NCAM2: variants seen among roughly 807,000 people sequenced by gnomAD.
The protein encoded by NCAM2 is neural cell adhesion molecule 2, also known as N-CAM-2.
NCAM2 carries 30 observed loss-of-function variants against 98.1 expected under a neutral mutation model. That is an observed-to-expected ratio of 0.31 (90% confidence interval 0.23 to 0.41). NCAM2 has a LOEUF of 0.41. Ranked by LOEUF, NCAM2 falls within the 10% of genes least tolerant of loss-of-function variation. The probability of loss-of-function intolerance (pLI) is 1.00; values close to 1 mark genes in which losing one functional copy is unlikely to be tolerated. For synonymous variants in NCAM2, 368 were observed against 342.4 expected (o/e 1.07, Z -0.83); for missense variants, 867 against 1,005.8 (o/e 0.86, Z 1.87).
chr21:21,450,296 GTGTGTT>G (rs1272507851), intron 12 of NCAM2, among the ~76,000 whole-genome samples: 3 of 151,424 alleles, frequency 2.0e-5, no homozygotes, highest in Non-Finnish European at 4.4e-5. Context: ...ATGCGTGTGT[GTGTGTT>G]TGTGTGTGTG....
chr21:21,444,484 G>T (rs1406939272), intron 12 of NCAM2, among the ~76,000 whole-genome samples: 4 of 151,988 alleles, frequency 2.6e-5, no homozygotes, highest in Middle Eastern at 3.4e-3. Flanking sequence ...TTGGTTGGTA[G>T]GCTATTAATT....
chr21:21,508,799 CTTTTTTTCCTTT>C (rs1988153457), intron 15 of NCAM2, 40 bp from the exon 16 acceptor site: 1 of 1,020,048 alleles, frequency 9.8e-7, no homozygotes, highest in African/African-American at 2.4e-5. Flanking sequence ...AGGTTTAATA[CTTTTTTTCCTTT>C]TTTTTTTTTT....
chr21:21,517,566 A>T (rs1988780519), intron 16 of NCAM2, among the ~76,000 whole-genome samples: 1 of 152,126 alleles, frequency 6.6e-6, no homozygotes, highest in Non-Finnish European at 1.5e-5. Context: ...CTGACTTAAA[A>T]CTTTAACACA....
At chr21:21,017,549 G>A (rs1044144303) in intron 1 of NCAM2, among the ~76,000 whole-genome samples, 9 of 151,668 alleles carry the variant, frequency 5.9e-5, no homozygotes, top group East Asian at 1.9e-4. Flanking sequence ...ATCGAAGCAC[G>A]GGCGATTATG....
intron 16 of NCAM2, among the ~76,000 whole-genome samples, chr21:21,512,776 G>A (rs11910606): frequency 0.57 from 85,967 of 151,612 alleles, 25,250 homozygotes; most frequent in East Asian, 0.77. Flanking sequence ...ATGTTTTATC[G>A]TTTTCATTGT....
intron 1 of NCAM2, among the ~76,000 whole-genome samples, chr21:21,032,749 AATT>A (rs1162652040): frequency 6.6e-6 from 1 of 152,158 alleles, no homozygotes; most frequent in African/African-American, 2.4e-5. Context: ...GAAACATAAT[AATT>A]ATCTTATTTG....
At chr21:21,496,319 C>T (rs917903780) in intron 15 of NCAM2, among the ~76,000 whole-genome samples, 1 of 151,914 alleles carries the variant, frequency 6.6e-6, no homozygotes, top group Admixed American at 6.6e-5. Context: ...CTCATTGGTG[C>T]GAGATACTAT....
intron 9 of NCAM2, among the ~76,000 whole-genome samples, chr21:21,380,699 A>G (rs558233225): frequency 5.3e-4 from 81 of 152,180 alleles, no homozygotes; most frequent in South Asian, 1.2e-3. Context: ...TCACAAGTCC[A>G]TCTCTGTCTC....
chr21:21,052,672 G>T (rs2065134827), intron 1 of NCAM2, among the ~76,000 whole-genome samples: 1 of 152,086 alleles, frequency 6.6e-6, no homozygotes, highest in African/African-American at 2.4e-5. Context: ...TGGGCAAATA[G>T]ACCTCTGGTG....
chr21:21,269,892 A>G (rs573958455), intron 1 of NCAM2, among the ~76,000 whole-genome samples: 42 of 152,158 alleles, frequency 2.8e-4, no homozygotes, highest in Non-Finnish European at 2.8e-4. Flanking sequence ...ATAATTCATG[A>G]AAGAAAGGAA....
chr21:21,372,445 C>G (rs751772135), intron 8 of NCAM2, among the ~76,000 whole-genome samples: 2 of 151,686 alleles, frequency 1.3e-5, no homozygotes, highest in South Asian at 4.2e-4. Context: ...CCTGGAAATA[C>G]TAGATAGACA....
chr21:21,085,833 T>C (rs372734945), intron 1 of NCAM2, among the ~76,000 whole-genome samples: 1 of 152,210 alleles, frequency 6.6e-6, no homozygotes, highest in African/African-American at 2.4e-5. Context: ...AAAAATTTTG[T>C]TATTTCAAAA....
chr21:21,153,238 C>A (rs975783317), intron 1 of NCAM2, among the ~76,000 whole-genome samples: 47 of 148,782 alleles, frequency 3.2e-4, no homozygotes, highest in African/African-American at 1.1e-3. Context: ...TCCTTTACAT[C>A]TGGAAGACAA....
intron 12 of NCAM2, among the ~76,000 whole-genome samples, chr21:21,447,204 A>C (rs765529433): frequency 1.3e-5 from 2 of 152,194 alleles, no homozygotes; most frequent in Admixed American, 1.3e-4. Context: ...CAATACAGAC[A>C]TATAGACCAA....
At chr21:21,255,972 T>A (rs910432930) in intron 1 of NCAM2, among the ~76,000 whole-genome samples, 2 of 152,200 alleles carry the variant, frequency 1.3e-5, no homozygotes, top group African/African-American at 4.8e-5. Context: ...TTAGTGTAAG[T>A]CCATGGCCCT....
intron 1 of NCAM2, among the ~76,000 whole-genome samples, chr21:21,027,523 G>A (rs2064576587): frequency 6.6e-6 from 1 of 152,166 alleles, no homozygotes; most frequent in Admixed American, 6.5e-5. Flanking sequence ...TACTAATACA[G>A]CACTTCGTTA....
intron 1 of NCAM2, among the ~76,000 whole-genome samples, chr21:21,049,707 A>G (rs540575442): frequency 6.6e-6 from 1 of 152,182 alleles, no homozygotes; most frequent in African/African-American, 2.4e-5. Context: ...CCCTGTCTCT[A>G]CTAAAAATAC....
chr21:21,201,801 G>A (rs550568821), intron 1 of NCAM2, among the ~76,000 whole-genome samples: 1 of 152,290 alleles, frequency 6.6e-6, no homozygotes, highest in East Asian at 1.9e-4. Context: ...AGAGCAGCAG[G>A]TCTCAAATAA....
chr21:21,090,777 T>C (rs2065996423), intron 1 of NCAM2, among the ~76,000 whole-genome samples: 1 of 152,196 alleles, frequency 6.6e-6, no homozygotes, highest in African/African-American at 2.4e-5. Context: ...TTGCAATTGC[T>C]TCAACCCTCT....
Sources: allele counts gnomAD v4.1 joint callset (sites outside exome capture counted in the v4.1 genomes callset), GRCh38; gene constraint gnomAD v4.1.1; transcripts MANE v1.5; gene names NCBI Gene and HGNC (gene_info 2026-07-23, HGNC 2026-07-21).